The following RGS13 variants were observed in gnomAD, a reference collection of about 807,000 sequenced individuals.
The protein encoded by RGS13 is regulator of G protein signaling 13.
Under a neutral mutation model 19.9 loss-of-function variants are expected in RGS13, and 14 were observed. That is an observed-to-expected ratio of 0.70 (90% CI 0.46 to 1.10). RGS13 has a LOEUF of 1.10. RGS13 is among the 50% of genes least tolerant of loss of function. The pLI, the probability that RGS13 is intolerant of heterozygous loss-of-function variation, is 0.00. For synonymous variants in RGS13, 60 were observed against 56.8 expected (o/e 1.06, Z -0.25); for missense variants, 205 against 187.1 (o/e 1.10, Z -0.56).
intron 5 of RGS13, among the ~76,000 whole-genome samples, chr1:192,653,822 G>T (rs1663385932): frequency 6.6e-6 from 1 of 151,918 alleles, no homozygotes; most frequent in South Asian, 2.1e-4. Context: ...AGAATAAAAG[G>T]AAATATACCA....
chr1:192,653,911 T>C (rs1024385782), intron 5 of RGS13, among the ~76,000 whole-genome samples: 38 of 151,822 alleles, frequency 2.5e-4, no homozygotes, highest in African/African-American at 8.7e-4. Context: ...ACGAGAACAG[T>C]TGGACACAGG....
In RGS13 at chr1:192,645,442, T is replaced by C. The variant is rs1370383511; in HGVS notation, c.65+1043T>C. The C allele has an allele frequency of 3.3e-5, 5 of 152,184 alleles. No homozygotes were observed. The East Asian group carries it at 9.6e-4, about 29-fold the overall frequency. The allele number at this position is 152,184 out of a possible 1,614,324, so 9.4% of individuals were successfully genotyped here. A position where few individuals can be genotyped will look rare whatever the true frequency, so the allele number is the denominator to read the frequency against. ...TAACATTGTGCGATAGACGTTATTATCCCTATTATATAGACAATAAAATTG... is the reference window on the plus strand; with the variant it reads ...TAACATTGTGCGATAGACGTTATTACCCCTATTATATAGACAATAAAATTG... On this transcript the variant is annotated intron_variant, in intron 4 of 6. Coordinates refer to ENST00000391995, the MANE Select transcript of RGS13 (RefSeq NM_002927.5).
At chr1:192,650,677 G>C (rs1369126977) in intron 5 of RGS13, among the ~76,000 whole-genome samples, 1 of 151,986 alleles carries the variant, frequency 6.6e-6, no homozygotes. Context: ...AGTGGGAAAA[G>C]GGGATCCAAG....
At chr1:192,646,249 T>C (rs934302320) in intron 4 of RGS13, 2 of 152,192 alleles carry the variant, frequency 1.3e-5, no homozygotes, top group Non-Finnish European at 2.9e-5. Context: ...CCAATATTTT[T>C]CCATGTTCTC....
chr1:192,648,047 G>A (rs1437710150), intron 5 of RGS13, 60 bp downstream of exon 5: 2 of 1,178,758 alleles, frequency 1.7e-6, no homozygotes, highest in Non-Finnish European at 2.5e-6. Flanking sequence ...TAGAGGTAAA[G>A]GTGGGGGTGC....
intron 3 of RGS13, among the ~76,000 whole-genome samples, chr1:192,638,768 CAT>C (rs1332274694): frequency 6.6e-6 from 1 of 152,054 alleles, no homozygotes; most frequent in Non-Finnish European, 1.5e-5. Context: ...TAACACATGT[CAT>C]ACACAATTCT....
chr1:192,638,825 CATT>C (rs1451797226), intron 3 of RGS13, among the ~76,000 whole-genome samples: 2 of 152,086 alleles, frequency 1.3e-5, no homozygotes, highest in African/African-American at 4.8e-5. Context: ...GCTTTTATGA[CATT>C]ATATTCTATT....
At chr1:192,640,614 T>C (rs1227886178) in intron 3 of RGS13, among the ~76,000 whole-genome samples, 1 of 152,130 alleles carries the variant, frequency 6.6e-6, no homozygotes, top group Non-Finnish European at 1.5e-5. Flanking sequence ...AATTAATCTA[T>C]TCCCCTTCCA....
chr1:192,643,768 G>T (rs1217826257), intron 3 of RGS13, among the ~76,000 whole-genome samples: 1 of 152,020 alleles, frequency 6.6e-6, no homozygotes, highest in Non-Finnish European at 1.5e-5. Flanking sequence ...TGGGCAATGT[G>T]GTGAAACCCC....
At chr1:192,644,020 CG>C (rs1375239969) in intron 3 of RGS13, among the ~76,000 whole-genome samples, 6 of 152,038 alleles carry the variant, frequency 3.9e-5, no homozygotes, top group Non-Finnish European at 8.8e-5. Context: ...AATTCGTTAT[CG>C]GTAAGTTCTA....
Position 192,658,333 on chromosome 1 carries a change from A to G in RGS13, c.260A>G (p.Tyr87Cys), listed in dbSNP as rs1663485867. The change falls in exon 6 of 7, where the codon TAT becomes TGT. Residue 87 changes from tyrosine to cysteine, a missense_variant. Transcript: ENST00000391995. ...AGAATTTCTAGGGCAAAGAAGCTTT[A>G]TAAGATTTACATCCAGCCACAGTCC... ...WSRISRAKKL[Y>C]KIYIQPQSPR... 2 of 1,613,278 alleles carry G rather than the reference A, an allele frequency of 1.2e-6. No individual in the cohort carries two copies. The highest frequency in any genetic ancestry group is 8.5e-7 in the Non-Finnish European group (1 of 1,179,688).
chr1:192,643,636 C>A (rs1354132136), intron 3 of RGS13, among the ~76,000 whole-genome samples: 1 of 152,052 alleles, frequency 6.6e-6, no homozygotes, highest in Non-Finnish European at 1.5e-5. Context: ...TTTTTTAATA[C>A]ATTGAGAGAG....
chr1:192,656,920 C>A (rs981346801), intron 5 of RGS13, among the ~76,000 whole-genome samples: 1 of 152,050 alleles, frequency 6.6e-6, no homozygotes, highest in African/African-American at 2.4e-5. Flanking sequence ...TTGATCTGAT[C>A]TCTTAGATGA....
intron 5 of RGS13, among the ~76,000 whole-genome samples, chr1:192,652,059 G>A (rs1477087716): frequency 6.6e-6 from 1 of 152,054 alleles, no homozygotes; most frequent in Non-Finnish European, 1.5e-5. Flanking sequence ...ATAAGCAAGT[G>A]CTCTGAATCA....
intron 5 of RGS13, among the ~76,000 whole-genome samples, chr1:192,653,916 C>G (rs1277881177): frequency 6.6e-6 from 1 of 150,644 alleles, no homozygotes; most frequent in Non-Finnish European, 1.5e-5. Flanking sequence ...AACAGTTGGA[C>G]ACAGGAAGGG....
At chr1:192,653,993 C>T (rs954633445) in intron 5 of RGS13, among the ~76,000 whole-genome samples, 1 of 151,754 alleles carries the variant, frequency 6.6e-6, no homozygotes, top group Non-Finnish European at 1.5e-5. Flanking sequence ...AGGAGATATA[C>T]CTAATGTAAA....
At chr1:192,642,514 A>T (rs1448684739) in intron 3 of RGS13, among the ~76,000 whole-genome samples, 1 of 151,406 alleles carries the variant, frequency 6.6e-6, no homozygotes, top group Non-Finnish European at 1.5e-5. Context: ...TGTTGGAGAG[A>T]CAGGGTCTCT....
chr1:192,653,807 T>G (rs1214401479), intron 5 of RGS13, among the ~76,000 whole-genome samples: 24 of 152,012 alleles, frequency 1.6e-4, no homozygotes, highest in Admixed American at 1.6e-3. Flanking sequence ...GAACAAAGGA[T>G]TAAAAGAATA....
At chr1:192,638,064 A>G (rs560541695) in intron 2 of RGS13, 100 bp from the exon 3 acceptor site, 3 of 152,224 alleles carry the variant, frequency 2.0e-5, no homozygotes, top group African/African-American at 7.2e-5. Context: ...AATGATAAAT[A>G]TTGTTGAATG....
Sources: allele counts gnomAD v4.1 joint callset (sites outside exome capture counted in the v4.1 genomes callset), GRCh38; gene constraint gnomAD v4.1.1; transcripts MANE v1.5; gene names NCBI Gene and HGNC (gene_info 2026-07-23, HGNC 2026-07-21).